The following NPRL3 variants were observed in gnomAD, a reference collection of about 807,000 sequenced individuals.
NPRL3 encodes NPR3 like, GATOR1 complex subunit.
A neutral mutation model predicts 57.2 loss-of-function variants in NPRL3; 23 were observed. The ratio of observed to expected loss-of-function variants is 0.40; its 90% CI spans 0.29 to 0.57. The LOEUF (loss-of-function observed/expected upper bound fraction) is 0.57. Ranked by LOEUF, NPRL3 falls within the 20% of genes least tolerant of loss-of-function variation. The pLI, the probability that NPRL3 is intolerant of heterozygous loss-of-function variation, is 0.42. For missense variants in NPRL3, 691 were observed against 767.1 expected, an observed-to-expected ratio of 0.90 and a Z score of 1.17; for synonymous variants, 333 against 321.1, an observed-to-expected ratio of 1.04 and a Z score of -0.39.
rs368999536 is a variant in NPRL3 at position 130,508 on chromosome 16, C to G, written c.188+14G>C. On this transcript the variant is annotated intron_variant, in intron 3 of 13. Transcript: ENST00000611875. ...AGGACACGCCCCGCCCTGAAGTGGCCGCAGAGCCTTTACCTGGAATCGCCG... is the reference window on the plus strand; with the variant it reads ...AGGACACGCCCCGCCCTGAAGTGGCGGCAGAGCCTTTACCTGGAATCGCCG... 6.5e-7 allele frequency: 1 copy of G among 1,548,932 alleles called. No individual in the cohort carries two copies. Among genetic ancestry groups the G allele is most frequent in the Non-Finnish European group, 8.7e-7 (1 of 1,147,020 alleles).
intron 11 of NPRL3, 198 bp from the exon 12 acceptor site, chr16:90,100 A>G: frequency 3.6e-6 from 2 of 555,358 alleles, no homozygotes; most frequent in Non-Finnish European, 6.2e-6. Flanking sequence ...GGGAAGGGAG[A>G]GGGGCCAGGG....
intron 7 of NPRL3, among the ~76,000 whole-genome samples, chr16:101,440 C>T (rs1054010935): frequency 2.0e-5 from 3 of 152,224 alleles, no homozygotes; most frequent in East Asian, 1.9e-4. Flanking sequence ...TTCACTACGA[C>T]GGAAAACCTT....
chr16:124,448 G>C (rs531261723), intron 3 of NPRL3, among the ~76,000 whole-genome samples: 2 of 151,452 alleles, frequency 1.3e-5, no homozygotes, highest in Non-Finnish European at 2.9e-5. Context: ...CAATCCTCCT[G>C]CCTCGGCCTC....
intron 2 of NPRL3, 46 bp from the exon 3 acceptor site, chr16:130,637 T>C: frequency 6.5e-7 from 1 of 1,534,120 alleles, no homozygotes; most frequent in Non-Finnish European, 8.8e-7. Context: ...AACAGGGTCC[T>C]TCCACACACA....
intron 11 of NPRL3, among the ~76,000 whole-genome samples, 187 bp downstream of exon 11, chr16:92,409 T>TG (rs1412157982): frequency 6.6e-6 from 1 of 152,214 alleles, no homozygotes; most frequent in African/African-American, 2.4e-5. Context: ...GCCAAGCATC[T>TG]GCAGGTGGCC....
At chr16:110,153 C>T (rs1204966047) in intron 7 of NPRL3, among the ~76,000 whole-genome samples, 1 of 152,158 alleles carries the variant, frequency 6.6e-6, no homozygotes, top group East Asian at 1.9e-4. Flanking sequence ...CCTGTAATCC[C>T]AGCTACTCGG....
At chr16:130,059 G>A (rs1246570370) in intron 3 of NPRL3, among the ~76,000 whole-genome samples, 1 of 152,030 alleles carries the variant, frequency 6.6e-6, no homozygotes, top group Non-Finnish European at 1.5e-5. Flanking sequence ...GAACATCAAG[G>A]TTCACACCAT....
chr16:112,599 C>T (rs568519242), intron 6 of NPRL3, 23 bp downstream of exon 6: 162 of 1,522,470 alleles, frequency 1.1e-4, no homozygotes, highest in Non-Finnish European at 1.3e-4. Flanking sequence ...AGACCCATGC[C>T]CATCACGCCC....
intron 7 of NPRL3, among the ~76,000 whole-genome samples, chr16:106,228 A>T (rs1899521228): frequency 6.6e-6 from 1 of 152,226 alleles, no homozygotes. Flanking sequence ...GAATCACTTA[A>T]GCCCGGGAGA....
At chr16:115,217 C>T (rs1899978446) in intron 5 of NPRL3, among the ~76,000 whole-genome samples, 1 of 152,002 alleles carries the variant, frequency 6.6e-6, no homozygotes, top group Non-Finnish European at 1.5e-5. Context: ...TCAAGTGATC[C>T]ACCCACCTTG....
At chr16:95,398 T>C (rs925097021) in intron 9 of NPRL3, among the ~76,000 whole-genome samples, 6 of 144,690 alleles carry the variant, frequency 4.1e-5, no homozygotes, top group Non-Finnish European at 7.6e-5. Flanking sequence ...AAAATGTATA[T>C]ATACAGATAA....
rs535336792 is a variant in NPRL3 at position 85,903 on chromosome 16, C to T, written c.*802G>A. The T allele has an allele frequency of 4.9e-5, 55 of 1,133,776 alleles. 1 individual carries two copies. The South Asian group carries it at 1.2e-3, about 25-fold the overall frequency. The allele number at this position is 1,133,776 out of a possible 1,614,324, so 70.2% of individuals were successfully genotyped here. On this transcript the variant is annotated 3_prime_UTR_variant, in exon 14 of 14. Transcript: ENST00000611875. ...CAACCCATGTCTGGAGCTAGCTCTT[C>T]CTCCAGGACACGAGAGCTGGGGGCC...
chr16:89,037 C>T (rs1449605024), intron 12 of NPRL3, 147 bp from the exon 13 acceptor site: 1 of 724,306 alleles, frequency 1.4e-6, no homozygotes, highest in South Asian at 1.8e-5. Context: ...TCGCTGCTGC[C>T]CCACCTCCTG....
In NPRL3 at chr16:136,634, G is replaced by A. The variant is rs1901096629; in HGVS notation, c.118+1516C>T. Among the ~76,000 whole-genome samples, 3 of 149,820 alleles carry A rather than the reference G, an allele frequency of 2.0e-5. No individual in the cohort carries two copies. The South Asian group carries it at 6.3e-4, about 31-fold the overall frequency. On this transcript the variant is annotated intron_variant, in intron 2 of 13. Coordinates refer to ENST00000611875, the MANE Select transcript of NPRL3 (RefSeq NM_001077350.3). ...TTGACAGGGGGTCGGAGGTTGCGGT[G>A]AGCCGAGATCACGCCACTGCACTCC... is the stretch of plus-strand genomic sequence containing the variant.
intron 13 of NPRL3, among the ~76,000 whole-genome samples, chr16:87,408 C>CT (rs1567127830): frequency 6.6e-6 from 1 of 151,864 alleles, no homozygotes; most frequent in African/African-American, 2.4e-5. Flanking sequence ...TAATTTCTCT[C>CT]TTTTTTAGTA....
At chr16:93,172 C>A in intron 10 of NPRL3, 47 bp downstream of exon 10, 1 of 1,278,134 alleles carries the variant, frequency 7.8e-7, no homozygotes, top group Non-Finnish European at 1.1e-6. Flanking sequence ...GCCAGCCTCA[C>A]CCCTTCCCAC....
chr16:93,185 G>A lies in NPRL3; in HGVS notation c.1031+34C>T, dbSNP rs116776490. 5.8e-4 allele frequency: 814 copies of A among 1,399,834 alleles called. 4 individuals carry two copies. The African/African-American group carries it at 0.01, about 18-fold the overall frequency. The allele number at this position is 1,399,834 out of a possible 1,614,324, so 86.7% of individuals were successfully genotyped here. A position where few individuals can be genotyped will look rare whatever the true frequency, so the allele number is the denominator to read the frequency against. ...CTGCCAGCCTCACCCCTTCCCACTCGGGGCTCCAGGCTCTGGCAGCCAGCA... is the reference window on the plus strand; with the variant it reads ...CTGCCAGCCTCACCCCTTCCCACTCAGGGCTCCAGGCTCTGGCAGCCAGCA... On this transcript the variant is annotated intron_variant, in intron 10 of 13. Coordinates refer to ENST00000611875, the MANE Select transcript of NPRL3 (RefSeq NM_001077350.3).
In NPRL3 at chr16:119,227, A is replaced by G; in HGVS notation, c.217T>C (p.Leu73=). The G allele has an allele frequency of 6.2e-7, 1 of 1,610,610 alleles. No individual in the cohort carries two copies. The highest frequency in any genetic ancestry group is 1.3e-5 in the African/African-American group (1 of 74,988). The stretch of plus-strand genomic sequence containing the variant: ...CCACACATTTCAGACTTGGTTGCCA[A>G]AATTGTTGCCAGAATAACATCTGAA... ...RFSDVILATI[L]ATKSEMCGQK... Residue 73 remains leucine, a synonymous_variant, in exon 4 of 14, where the codon TTG becomes CTG. Coordinates refer to ENST00000611875, the MANE Select transcript of NPRL3 (RefSeq NM_001077350.3).
intron 2 of NPRL3, among the ~76,000 whole-genome samples, chr16:131,323 C>T (rs1900780870): frequency 6.6e-6 from 1 of 151,610 alleles, no homozygotes; most frequent in Non-Finnish European, 1.5e-5. Context: ...ACTAAAAATA[C>T]AAAAAATTAG....
Sources: gnomAD v4.1 joint callset for allele counts (sites outside exome capture counted in the v4.1 genomes callset) on GRCh38, gnomAD v4.1.1 for gene constraint, MANE v1.5 for transcripts, NCBI Gene and HGNC (gene_info 2026-07-23, HGNC 2026-07-21) for gene names.